The following PARVB variants were observed in gnomAD, a reference collection of about 807,000 sequenced individuals.
PARVB encodes the protein beta-parvin.
Under a neutral mutation model 47.0 loss-of-function variants are expected in PARVB, and 46 were observed. That is an observed-to-expected ratio of 0.98 (90% confidence interval 0.77 to 1.25). The LOEUF (loss-of-function observed/expected upper bound fraction) is 1.25. Ranked by LOEUF, PARVB falls within the 50% of genes most tolerant of loss-of-function variation. PARVB has a pLI of 0.00. For synonymous variants in PARVB, 196 were observed against 196.3 expected, an observed-to-expected ratio of 1.00 and a Z score of 0.01; for missense variants, 473 against 471.6, an observed-to-expected ratio of 1.00 and a Z score of -0.03.
intron 1 of PARVB, among the ~76,000 whole-genome samples, chr22:44,050,213 C>T (rs1341552253): frequency 6.6e-6 from 1 of 152,222 alleles, no homozygotes; most frequent in Non-Finnish European, 1.5e-5. Flanking sequence ...ATGCCTTCCT[C>T]TGTTTCCCAG....
chr22:44,062,504 G>C (rs188337988), intron 1 of PARVB, among the ~76,000 whole-genome samples: 1 of 152,130 alleles, frequency 6.6e-6, no homozygotes, highest in Non-Finnish European at 1.5e-5. Flanking sequence ...TGGGCATGGT[G>C]GTGGGCACTG....
chr22:44,153,696 T>G (rs1288901176), intron 10 of PARVB: 3 of 152,216 alleles, frequency 2.0e-5, no homozygotes, highest in Non-Finnish European at 4.4e-5. Context: ...TTTGTGTCAC[T>G]AAATACACTG....
At chr22:44,086,410 T>C (rs1265793604) in intron 1 of PARVB, among the ~76,000 whole-genome samples, 1 of 152,218 alleles carries the variant, frequency 6.6e-6, no homozygotes, top group Non-Finnish European at 1.5e-5. Flanking sequence ...GCAAGACACT[T>C]TGTTATTCCT....
Position 44,157,015 on chromosome 22 carries a change from T to C in PARVB, c.844-967T>C, listed in dbSNP as rs116757401. ...CCTGTGCGCTTACACACGGTTAAGA[T>C]GGTACATTTCAGCTTATGTATATTT... On this transcript the variant is annotated intron_variant, in intron 10 of 12. Transcript: ENST00000338758. Among the ~76,000 whole-genome samples, 1,255 of 152,338 alleles carry C rather than the reference T, an allele frequency of 8.2e-3. 16 individuals are homozygous for C. Among genetic ancestry groups the C allele is most frequent in the African/African-American group, 0.028 (1,181 of 41,576 alleles).
intron 2 of PARVB, among the ~76,000 whole-genome samples, chr22:44,014,346 G>A (rs2050555150): frequency 6.6e-6 from 1 of 152,176 alleles, no homozygotes. Context: ...AAGATTATAT[G>A]GAACTGGCCT....
intron 2 of PARVB, among the ~76,000 whole-genome samples, chr22:44,004,718 G>A (rs567064655): frequency 3.7e-4 from 56 of 152,276 alleles, no homozygotes; most frequent in African/African-American, 1.3e-3. Flanking sequence ...CAAACTTTCT[G>A]GACCTATGTC....
chr22:44,147,654 C>T, intron 8 of PARVB: 1 of 741,274 alleles, frequency 1.3e-6, no homozygotes, highest in South Asian at 1.4e-5. Flanking sequence ...TCTGGTTGTT[C>T]CCAAGCGCTC....
In PARVB at chr22:44,170,875, C is replaced by T. The variant is rs2054261230; in HGVS notation, c.*2197C>T. 1.3e-5 allele frequency: 2 copies of T among 152,258 alleles called. No individual in the cohort carries two copies. Among genetic ancestry groups the T allele is most frequent in the Admixed American group, 1.3e-4 (2 of 15,290 alleles). 9.4% of individuals were successfully genotyped at this position (152,258 alleles called of 1,614,324 possible). On this transcript the variant is annotated 3_prime_UTR_variant, in exon 13 of 13. Transcript: ENST00000338758. ...GTTTTGATATGAAATCGAATGCCAA[C>T]ACCGAAGTTTTAGAAAACAGTTTAA...
chr22:44,077,785 G>A (rs1304257859), intron 1 of PARVB, among the ~76,000 whole-genome samples: 1 of 152,044 alleles, frequency 6.6e-6, no homozygotes, highest in Non-Finnish European at 1.5e-5. Context: ...CCAGGCTGGT[G>A]TGCAATGGTT....
intron 4 of PARVB, among the ~76,000 whole-genome samples, chr22:44,127,502 T>C (rs2053213185): frequency 6.6e-6 from 1 of 152,058 alleles, no homozygotes; most frequent in Non-Finnish European, 1.5e-5. Context: ...CCAAACCAAA[T>C]AGGAGATTTT....
intron 4 of PARVB, among the ~76,000 whole-genome samples, chr22:44,128,482 G>A (rs1569138814): frequency 6.6e-6 from 1 of 152,230 alleles, no homozygotes; most frequent in Admixed American, 6.5e-5. Context: ...AAGTGATCAT[G>A]TGCCGTATTC....
In PARVB at chr22:44,132,880, C is replaced by A; in HGVS notation, c.518-14C>A. 6.3e-7 allele frequency: 1 copy of A among 1,591,030 alleles called. No homozygotes were observed. The highest frequency in any genetic ancestry group is 8.6e-7 in the Non-Finnish European group (1 of 1,159,018). Reference sequence around the variant, plus strand: ...CCTGATCTAAAGCGTCTCCCTTCCTCCTTCCTCCTGCAGCAATTCACGGGA... The same window carrying A: ...CCTGATCTAAAGCGTCTCCCTTCCTACTTCCTCCTGCAGCAATTCACGGGA... On this transcript the variant is annotated splice_polypyrimidine_tract_variant and intron_variant, in intron 5 of 12. Transcript: ENST00000338758.
At chr22:44,109,610 G>T (rs1677944841) in intron 3 of PARVB, 1 of 152,250 alleles carries the variant, frequency 6.6e-6, no homozygotes, top group Non-Finnish European at 1.5e-5. Flanking sequence ...GTGGAACTGG[G>T]CCGTGAACAG....
chr22:44,123,008 TG>T (rs2053104898), intron 4 of PARVB, among the ~76,000 whole-genome samples: 1 of 152,222 alleles, frequency 6.6e-6, no homozygotes, highest in Admixed American at 6.5e-5. Flanking sequence ...TCAAGTGTAA[TG>T]GGTTGCTTCC....
rs191815041 is a variant in PARVB, at chr22:44,131,359, C to A, written c.377-128C>A. On this transcript the variant is annotated intron_variant, in intron 4 of 12. Transcript: ENST00000338758. ...ATTTCACCATATTTGCCAGGCTGGT[C>A]TCGAACTCCTGGCCTGAAGTGATTC... 3.1e-4 allele frequency: 277 copies of A among 905,960 alleles called. No individual in the cohort carries two copies. The African/African-American group carries it at 4.1e-3, about 13-fold the overall frequency. The allele number at this position is 905,960 out of a possible 1,614,324, so 56.1% of individuals were successfully genotyped here. A position where few individuals can be genotyped will look rare whatever the true frequency, so the allele number is the denominator to read the frequency against.
intron 1 of PARVB, among the ~76,000 whole-genome samples, chr22:44,048,137 G>A (rs1388535732): frequency 1.3e-5 from 2 of 152,170 alleles, no homozygotes; most frequent in African/African-American, 2.4e-5. Flanking sequence ...AGAATGTGGA[G>A]TTGAGCTTCC....
At position 44,024,402 on chromosome 22, in the gene PARVB, C is replaced by T; in HGVS notation, c.63C>T (p.Phe21=). 1.6e-6 allele frequency: 2 copies of T among 1,258,648 alleles called. No individual in the cohort carries two copies. Among genetic ancestry groups the T allele is most frequent in the Non-Finnish European group, 2.0e-6 (2 of 987,530 alleles). The allele number at this position is 1,258,648 out of a possible 1,614,324, so 78.0% of individuals were successfully genotyped here. A position where few individuals can be genotyped will look rare whatever the true frequency, so the allele number is the denominator to read the frequency against. ...RPRRMKKDES[F]LGKLGGTLAR... is the part of the protein sequence containing the mutation. ...GCAGGATGAAGAAGGACGAGTCGTTCCTGGGCAAGCTGGGCGGCACCCTGG... is the reference window on the plus strand; with the variant it reads ...GCAGGATGAAGAAGGACGAGTCGTTTCTGGGCAAGCTGGGCGGCACCCTGG... Residue 21 remains phenylalanine, a synonymous_variant, in exon 1 of 13, where the codon TTC becomes TTT. Transcript: ENST00000338758.
intron 12 of PARVB, 25 bp downstream of exon 12, chr22:44,163,955 C>G (rs776614256): frequency 6.3e-7 from 1 of 1,589,940 alleles, no homozygotes; most frequent in South Asian, 1.1e-5. Flanking sequence ...TCAGGTTCCC[C>G]CGGGAGAGGT....
At position 44,137,571 on chromosome 22, in the gene PARVB, G is replaced by A. The variant is rs148039623; in HGVS notation, c.692+1053G>A. 3.9e-5 allele frequency among the ~76,000 whole-genome samples: 6 copies of A among 152,294 alleles called. No individual in the cohort carries two copies. The East Asian group carries it at 1.2e-3, about 29-fold the overall frequency. On this transcript the variant is annotated intron_variant, in intron 7 of 12. Transcript: ENST00000338758. ...TCATTTGCTGCTCACAATTCTGTGGGTCAGCAATTTAGGCTGGGCTCAGCT... is the reference window on the plus strand; with the variant it reads ...TCATTTGCTGCTCACAATTCTGTGGATCAGCAATTTAGGCTGGGCTCAGCT...
Sources: allele counts gnomAD v4.1 joint callset (sites outside exome capture counted in the v4.1 genomes callset), GRCh38; gene constraint gnomAD v4.1.1; transcripts MANE v1.5; gene names NCBI Gene and HGNC (gene_info 2026-07-23, HGNC 2026-07-21).